Variants in AGAP1 observed in about 807,000 individuals in gnomAD.
AGAP1 encodes the protein ArfGAP with GTPase domain, ankyrin repeat and PH domain 1.
In AGAP1, 29 loss-of-function variants were observed where a neutral mutation model predicts 105.3. The ratio of observed to expected loss-of-function variants is 0.28; its 90% CI spans 0.21 to 0.38. The LOEUF (loss-of-function observed/expected upper bound fraction) is 0.38, where lower values mean the gene tolerates loss of function less well. Ranked by LOEUF, AGAP1 falls within the 10% of genes least tolerant of loss-of-function variation. AGAP1 has a pLI of 1.00. For synonymous variants in AGAP1, 509 were observed against 485.9 expected (o/e 1.05, Z -0.63); for missense variants, 998 against 1,165.1 (o/e 0.86, Z 2.09).
chr2:235,879,023 C>T lies in AGAP1; in HGVS notation c.1051-4322C>T, dbSNP rs1377175874. Among the ~76,000 whole-genome samples the T allele has an allele frequency of 6.6e-6, 1 of 152,156 alleles. No individual in the cohort carries two copies. Among genetic ancestry groups the T allele is most frequent in the South Asian group, 2.1e-4 (1 of 4,826 alleles). On this transcript the variant is annotated intron_variant, in intron 9 of 17. Transcript: ENST00000304032. The surrounding 1 kb of genome is among the most constrained non-coding windows in gnomAD (Gnocchi z 5.0). Reference sequence around the variant, plus strand: ...AGGTTCTGCGTGGGGAGCAGGTCACCGCCCATCAGTAGGAACAGGAGACTT... The same window carrying T: ...AGGTTCTGCGTGGGGAGCAGGTCACTGCCCATCAGTAGGAACAGGAGACTT...
Position 236,120,356 on chromosome 2 carries a change from T to G in AGAP1, c.2279T>G (p.Val760Gly), listed in dbSNP as rs1576350917. The change falls in exon 17 of 18, where the codon GTG becomes GGG. Residue 760 changes from valine to glycine, a missense_variant. Physicochemically the swap from Val to Gly is moderately radical, Grantham distance 109. Coordinates refer to ENST00000304032, the MANE Select transcript of AGAP1 (RefSeq NM_001037131.3). This position sits in a 1 kb window ranked among gnomAD's most constrained non-coding sequence, Gnocchi z 6.0. ...CTGGCACACGGCTCCCGGGACGAGG[T>G]GAACGAGACCTGCGGGGAGGGAGAC... ...LLLAHGSRDE[V>G]NETCGEGDGR... The G allele has an allele frequency of 6.2e-7, 1 of 1,611,758 alleles. No homozygotes were observed. Among genetic ancestry groups the G allele is most frequent in the Non-Finnish European group, 8.5e-7 (1 of 1,179,724 alleles).
chr2:235,683,309 C>G (rs181971781), intron 1 of AGAP1, among the ~76,000 whole-genome samples: 4 of 151,196 alleles, frequency 2.6e-5, no homozygotes, highest in African/African-American at 4.9e-5. Context: ...CCATCTCAAA[C>G]AACAACAAAA....
chr2:235,932,906 G>C lies in AGAP1; in HGVS notation c.1483+1983G>C, dbSNP rs142304420. ...ATGCATTTGTACAGTACCCATGTGA[G>C]ACTAAAGTCGCCTACGTTTGAATGC... On this transcript the variant is annotated intron_variant, in intron 12 of 17. Coordinates refer to ENST00000304032, the MANE Select transcript of AGAP1 (RefSeq NM_001037131.3). Among the ~76,000 whole-genome samples the C allele has an allele frequency of 3.9e-3, 594 of 152,336 alleles. 2 individuals carry two copies. The highest frequency in any genetic ancestry group is 0.039 in the South Asian group (187 of 4,826).
intron 1 of AGAP1, chr2:235,670,591 G>C (rs1412690619): frequency 1.8e-6 from 1 of 549,012 alleles, no homozygotes; most frequent in Non-Finnish European, 3.2e-6. Flanking sequence ...CTGAGGCGCC[G>C]CAAGGCCGGA....
At chr2:235,791,697 G>A (rs56711522) in intron 6 of AGAP1, among the ~76,000 whole-genome samples, 2,893 of 152,090 alleles carry the variant, frequency 0.019, 77 homozygotes, top group African/African-American at 0.064. Context: ...ACAGGCACAC[G>A]CCACAATGCC....
chr2:235,677,070 A>G (rs183861948), intron 1 of AGAP1, among the ~76,000 whole-genome samples: 1 of 152,296 alleles, frequency 6.6e-6, no homozygotes, highest in East Asian at 1.9e-4. Context: ...TAGCCCTAGA[A>G]CTGTGTTTCC....
intron 1 of AGAP1, among the ~76,000 whole-genome samples, chr2:235,672,527 G>GTATTCATC (rs1948492532): frequency 6.6e-6 from 1 of 152,172 alleles, no homozygotes; most frequent in Admixed American, 6.5e-5. Context: ...ATCCCTTCAT[G>GTATTCATC]TATTCTCTTA....
intron 3 of AGAP1, among the ~76,000 whole-genome samples, chr2:235,726,352 G>A (rs1298429860): frequency 6.6e-6 from 1 of 152,198 alleles, no homozygotes; most frequent in African/African-American, 2.4e-5. Flanking sequence ...GCTTTCCTAA[G>A]AAACCTCACG....
chr2:235,777,199 A>G lies in AGAP1; in HGVS notation c.674-20560A>G, dbSNP rs1245685364. Among the ~76,000 whole-genome samples the G allele has an allele frequency of 6.6e-6, 1 of 152,220 alleles. No homozygotes were observed. Among genetic ancestry groups the G allele is most frequent in the African/African-American group, 2.4e-5 (1 of 41,448 alleles). On this transcript the variant is annotated intron_variant, in intron 6 of 17. Transcript: ENST00000304032. This position sits in a 1 kb window ranked among gnomAD's most constrained non-coding sequence, Gnocchi z 5.1. ...CAGTGAAACCCTGTCTCTACTAAAAATACAAAAAATTAGCCAGGCGTGCGC... is the reference window on the plus strand; with the variant it reads ...CAGTGAAACCCTGTCTCTACTAAAAGTACAAAAAATTAGCCAGGCGTGCGC...
At chr2:235,679,052 G>A (rs555812186) in intron 1 of AGAP1, among the ~76,000 whole-genome samples, 5 of 152,290 alleles carry the variant, frequency 3.3e-5, no homozygotes, top group South Asian at 2.1e-4. Flanking sequence ...CAATGATGGC[G>A]GCAAGAAAGA....
rs908676142 is a variant in AGAP1 at position 235,905,693 on chromosome 2, T to C, written c.1156-3045T>C. Among the ~76,000 whole-genome samples, 1 of 152,098 alleles carries C rather than the reference T, an allele frequency of 6.6e-6. No homozygotes were observed. Among genetic ancestry groups the C allele is most frequent in the African/African-American group, 2.4e-5 (1 of 41,404 alleles). The stretch of plus-strand genomic sequence containing the variant: ...TTTGTATTTTTAGTAGAGCAGGCAT[T>C]TCACCGTGTTGGCTAGGCTGGTCTT... On this transcript the variant is annotated intron_variant, in intron 10 of 17. Coordinates refer to ENST00000304032, the MANE Select transcript of AGAP1 (RefSeq NM_001037131.3). The surrounding 1 kb of genome is among the most constrained non-coding windows in gnomAD (Gnocchi z 4.2).
At chr2:235,616,799 G>A (rs1946321153) in intron 1 of AGAP1, among the ~76,000 whole-genome samples, 1 of 152,082 alleles carries the variant, frequency 6.6e-6, no homozygotes, top group African/African-American at 2.4e-5. Context: ...AATTCTGAAC[G>A]TATGATTTTA....
At chr2:235,816,036 C>A (rs1490400219) in intron 9 of AGAP1, among the ~76,000 whole-genome samples, 1 of 152,222 alleles carries the variant, frequency 6.6e-6, no homozygotes, top group Non-Finnish European at 1.5e-5. Flanking sequence ...CAGGTGCTCA[C>A]TGTCCGTCAG....
At position 236,120,241 on chromosome 2, in the gene AGAP1, C is replaced by G; in HGVS notation, c.2164C>G (p.Leu722Val). The change falls in exon 17 of 18, where the codon CTG becomes GTG. Residue 722 changes from leucine (L) to valine (V), a missense_variant. Physicochemically the swap from Leu to Val is conservative, Grantham distance 32. Around this residue, in one of 3 missense-constraint regions of AGAP1, gnomAD observed 235 missense variants for 270.7 expected, o/e 0.87. Coordinates refer to ENST00000304032, the MANE Select transcript of AGAP1 (RefSeq NM_001037131.3). The surrounding 1 kb of genome is among the most constrained non-coding windows in gnomAD (Gnocchi z 6.0). ...IRAKYEQKLFLAPLPCTELSL... is the reference protein window; with the variant it reads ...IRAKYEQKLFVAPLPCTELSL... Reference sequence around the variant, plus strand: ...TGCCAAGTACGAGCAGAAGCTCTTCCTGGCCCCGCTGCCCTGCACGGAGCT... The same window carrying G: ...TGCCAAGTACGAGCAGAAGCTCTTCGTGGCCCCGCTGCCCTGCACGGAGCT... 1 of 1,613,346 alleles carries G rather than the reference C, an allele frequency of 6.2e-7. No homozygotes were observed. Among genetic ancestry groups the G allele is most frequent in the South Asian group, 1.1e-5 (1 of 91,012 alleles).
Position 236,005,385 on chromosome 2 carries a change from C to G in AGAP1, c.1646-31176C>G, listed in dbSNP as rs1039550762. On this transcript the variant is annotated intron_variant, in intron 13 of 17. Transcript: ENST00000304032. The surrounding 1 kb of genome is among the most constrained non-coding windows in gnomAD (Gnocchi z 4.1). The stretch of plus-strand genomic sequence containing the variant: ...CAAACTCCTGACCTCAAATGATCCA[C>G]CCACCTCAGCCTCCCAAAGTGCTGG... Among the ~76,000 whole-genome samples, 1 of 152,128 alleles carries G rather than the reference C, an allele frequency of 6.6e-6. No homozygotes were observed. Among genetic ancestry groups the G allele is most frequent in the Non-Finnish European group, 1.5e-5 (1 of 68,028 alleles).
chr2:235,616,128 A>G (rs192770148), intron 1 of AGAP1, among the ~76,000 whole-genome samples: 254 of 151,828 alleles, frequency 1.7e-3, no homozygotes, highest in African/African-American at 5.6e-3. Flanking sequence ...TTTGGGAGGT[A>G]GAGGCAGGCA....
At chr2:235,634,705 C>G (rs1373407842) in intron 1 of AGAP1, among the ~76,000 whole-genome samples, 1 of 152,150 alleles carries the variant, frequency 6.6e-6, no homozygotes, top group East Asian at 1.9e-4. Context: ...TGGCTTTTTC[C>G]TCATCAGATT....
Position 235,965,635 on chromosome 2 carries a change from C to T in AGAP1, c.1484-2827C>T, listed in dbSNP as rs913787658. On this transcript the variant is annotated intron_variant, in intron 12 of 17. Transcript: ENST00000304032. This position sits in a 1 kb window ranked among gnomAD's most constrained non-coding sequence, Gnocchi z 5.8. ...TAAAGTGGAGGTGGTAGGGATACCA[C>T]GTGCCTCAGCGGATTGCTTAAGAGT... Among the ~76,000 whole-genome samples the T allele has an allele frequency of 6.6e-6, 1 of 152,118 alleles. No individual in the cohort carries two copies. Among genetic ancestry groups the T allele is most frequent in the South Asian group, 2.1e-4 (1 of 4,824 alleles).
chr2:235,645,807 A>C (rs948868040), intron 1 of AGAP1, among the ~76,000 whole-genome samples: 1 of 152,222 alleles, frequency 6.6e-6, no homozygotes, highest in Non-Finnish European at 1.5e-5. Context: ...ATTTATAGGA[A>C]GGTGATTTTT....
Sources: gnomAD v4.1 joint callset for allele counts (sites outside exome capture counted in the v4.1 genomes callset) on GRCh38, gnomAD v4.1.1 for gene constraint, gnomAD v4.1.1 regional missense constraint, Gnocchi (gnomAD v3.1) non-coding constraint, MANE v1.5 for transcripts, NCBI Gene and HGNC (gene_info 2026-07-23, HGNC 2026-07-21) for gene names.